The following DGKE variants were observed in gnomAD, a reference collection of about 807,000 sequenced individuals.
The protein encoded by DGKE is DAG kinase epsilon.
In DGKE, 53 loss-of-function variants were observed where a neutral mutation model predicts 70.0. The ratio of observed to expected loss-of-function variants is 0.76; its 90% CI spans 0.61 to 0.95. The LOEUF (loss-of-function observed/expected upper bound fraction) is 0.95. Ranked by LOEUF, DGKE falls within the 40% of genes least tolerant of loss-of-function variation. DGKE has a pLI of 0.00. For synonymous variants in DGKE, 291 were observed against 257.0 expected, an observed-to-expected ratio of 1.13 and a Z score of -1.27; for missense variants, 655 against 706.9, an observed-to-expected ratio of 0.93 and a Z score of 0.83.
At position 56,866,876 on chromosome 17, in the gene DGKE, A is replaced by G. The variant is rs1166254524; in HGVS notation, c.*4085A>G. On this transcript the variant is annotated 3_prime_UTR_variant, in exon 12 of 12. Transcript: ENST00000284061. ...CACTACTATAATGACTTTGTCACCT[A>G]ATTGATTTTCTACTAATTTTTACAT... is the stretch of plus-strand genomic sequence containing the variant. 2.0e-5 allele frequency: 3 copies of G among 152,214 alleles called. No homozygotes were observed. Among genetic ancestry groups the G allele is most frequent in the Admixed American group, 2.0e-4 (3 of 15,272 alleles). The allele number at this position is 152,214 out of a possible 1,614,324, so 9.4% of individuals were successfully genotyped here.
chr17:56,848,636 ATAT>A (rs1252661502), intron 5 of DGKE, 57 bp from the exon 6 acceptor site: 8 of 1,563,118 alleles, frequency 5.1e-6, no homozygotes, highest in East Asian at 4.5e-5. Flanking sequence ...ATTTTACAAA[ATAT>A]TATTACCCAG....
Position 56,850,681 on chromosome 17 carries a change from G to C in DGKE, c.1098+1449G>C, listed in dbSNP as rs542720584. Among the ~76,000 whole-genome samples the C allele has an allele frequency of 2.6e-5, 4 of 152,268 alleles. No homozygotes were observed. The South Asian group carries it at 8.3e-4, about 32-fold the overall frequency. ...CTAAAATGTGCCTCTAAAAGATCTT[G>C]TATAGGTCTTTGAGAAGGCACAAAA... On this transcript the variant is annotated intron_variant, in intron 7 of 11. Coordinates refer to ENST00000284061, the MANE Select transcript of DGKE (RefSeq NM_003647.3).
chr17:56,847,858 A>G (rs969832043), intron 4 of DGKE, 64 bp from the exon 5 acceptor site: 1 of 1,245,586 alleles, frequency 8.0e-7, no homozygotes, highest in Non-Finnish European at 1.1e-6. Flanking sequence ...CTAGAGGGAA[A>G]TCATCATTAC....
intron 1 of DGKE, 115 bp from the exon 2 acceptor site, chr17:56,834,663 C>G (rs1173182010): frequency 1.0e-6 from 1 of 982,108 alleles, no homozygotes; most frequent in Non-Finnish European, 1.5e-6. Context: ...GTCCCGCCCT[C>G]GGGAGAGCGG....
At chr17:56,862,516 C>T in intron 11 of DGKE, 96 bp from the exon 12 acceptor site, 2 of 1,132,014 alleles carry the variant, frequency 1.8e-6, no homozygotes, top group Non-Finnish European at 2.4e-6. Context: ...AAATGAAATG[C>T]ATAAGGGTTA....
intron 8 of DGKE, among the ~76,000 whole-genome samples, chr17:56,858,244 A>G (rs1908072119): frequency 6.6e-6 from 1 of 152,224 alleles, no homozygotes; most frequent in South Asian, 2.1e-4. Context: ...TAAACTATTA[A>G]TAGCCTAAGA....
At position 56,844,145 on chromosome 17, in the gene DGKE, G is replaced by T; in HGVS notation, c.591G>T (p.Gln197His). 1 of 1,549,278 alleles carries T rather than the reference G, an allele frequency of 6.5e-7. No homozygotes were observed. Among genetic ancestry groups the T allele is most frequent in the Non-Finnish European group, 8.7e-7 (1 of 1,152,594 alleles). ...CAAGTTATTTAACATCCATTAATCA[G>T]ATGCGTAAAGACAAAAAAACAGATT... ...IPPSYLTSIN[Q>H]MRKDKKTDYE... is the part of the protein sequence containing the mutation. The change falls in exon 3 of 12, where the codon CAG becomes CAT. Residue 197 changes from glutamine (Q) to histidine (H), a missense_variant. By Grantham distance (24) the Gln-to-His change is conservative. Transcript: ENST00000284061.
At chr17:56,846,910 A>G (rs1485899831) in intron 4 of DGKE, among the ~76,000 whole-genome samples, 1 of 152,270 alleles carries the variant, frequency 6.6e-6, no homozygotes, top group East Asian at 1.9e-4. Flanking sequence ...GATTTTTTTA[A>G]TTTTAATGGT....
intron 9 of DGKE, among the ~76,000 whole-genome samples, chr17:56,861,486 A>G: frequency 6.6e-6 from 1 of 152,210 alleles, no homozygotes; most frequent in East Asian, 1.9e-4. Context: ...AAAGGGAAAG[A>G]AGATTTTAGG....
chr17:56,855,500 A>G (rs763654450), intron 7 of DGKE, among the ~76,000 whole-genome samples: 2 of 152,236 alleles, frequency 1.3e-5, no homozygotes, highest in Non-Finnish European at 2.9e-5. Context: ...AGAGCTGGTT[A>G]TCAGGGACTT....
chr17:56,839,196 G>A (rs1906813184), intron 2 of DGKE, among the ~76,000 whole-genome samples: 1 of 152,110 alleles, frequency 6.6e-6, no homozygotes, highest in Admixed American at 6.6e-5. Flanking sequence ...GAATTTATAT[G>A]GAAAGAGAAT....
In DGKE at chr17:56,848,697, G is replaced by A; in HGVS notation, c.890G>A (p.Gly297Glu). ...LDAVDDMKIK[G>E]QEKYIPQVAV... is the part of the protein sequence containing the mutation. ...TAAAACATATCTTCCATATTCTAGGGACAAGAAAAGTACATTCCACAAGTT... is the reference window on the plus strand; with the variant it reads ...TAAAACATATCTTCCATATTCTAGGAACAAGAAAAGTACATTCCACAAGTT... The change falls in exon 6 of 12, where the codon GGA becomes GAA. Residue 297 changes from glycine to glutamate, a missense_variant and splice_region_variant. By Grantham distance (98) the Gly-to-Glu change is moderately conservative (BLOSUM62 -2). Coordinates refer to ENST00000284061, the MANE Select transcript of DGKE (RefSeq NM_003647.3). The A allele has an allele frequency of 6.2e-7, 1 of 1,613,632 alleles. No homozygotes were observed. Among genetic ancestry groups the A allele is most frequent in the Non-Finnish European group, 8.5e-7 (1 of 1,179,744 alleles).
rs931296222 is a variant in DGKE at position 56,868,940 on chromosome 17, G to T, written c.*6149G>T. The T allele has an allele frequency of 1.3e-5, 2 of 152,180 alleles. No homozygotes were observed. The highest frequency in any genetic ancestry group is 2.9e-5 in the Non-Finnish European group (2 of 68,040). 9.4% of individuals were successfully genotyped at this position (152,180 alleles called of 1,614,324 possible). A position where few individuals can be genotyped will look rare whatever the true frequency, so the allele number is the denominator to read the frequency against. On this transcript the variant is annotated 3_prime_UTR_variant, in exon 12 of 12. Transcript: ENST00000284061. ...CCTGGCAGAGTAGAGCAGTAAGTGG[G>T]ATCAAAGGTGAATTCACCTTATTTT...
At position 56,834,169 on chromosome 17, in the gene DGKE, G is replaced by C. The variant is rs1394466207; in HGVS notation, c.-110G>C. On this transcript the variant is annotated 5_prime_UTR_variant, in exon 1 of 12. Coordinates refer to ENST00000284061, the MANE Select transcript of DGKE (RefSeq NM_003647.3). ...GAGCCTTAAGCGTTTCCCCCGCCCG[G>C]CTTCATCCCTGCTGGCGGCCCAGCG... The C allele has an allele frequency of 6.6e-6, 1 of 152,404 alleles. No homozygotes were observed. The highest frequency in any genetic ancestry group is 1.5e-5 in the Non-Finnish European group (1 of 68,212). 9.4% of individuals were successfully genotyped at this position (152,404 alleles called of 1,614,324 possible).
chr17:56,841,887 C>T (rs918358733), intron 2 of DGKE, among the ~76,000 whole-genome samples: 2 of 152,016 alleles, frequency 1.3e-5, no homozygotes, highest in Admixed American at 6.6e-5. Flanking sequence ...GCACCCTTTC[C>T]CGGGTTCAAG....
rs8067569 is a variant in DGKE, at chr17:56,856,955, G to A, written c.1212+330G>A. Among the ~76,000 whole-genome samples the A allele has an allele frequency of 0.71, 107,884 of 151,748 alleles. 38,726 individuals carry two copies. Among genetic ancestry groups the A allele is most frequent in the East Asian group, 0.91 (4,701 of 5,164 alleles). On this transcript the variant is annotated intron_variant, in intron 8 of 11. Coordinates refer to ENST00000284061, the MANE Select transcript of DGKE (RefSeq NM_003647.3). ...CTCTACTAAAAATACAAATTTAGCC[G>A]GGCATGGTGGCAGGTGTCTGTAATC...
chr17:56,862,132 A>T lies in DGKE; in HGVS notation c.1413-8A>T. On this transcript the variant is annotated splice_region_variant and splice_polypyrimidine_tract_variant and intron_variant, in intron 10 of 11. Coordinates refer to ENST00000284061, the MANE Select transcript of DGKE (RefSeq NM_003647.3). The stretch of plus-strand genomic sequence containing the variant: ...CATATAATCCATATTTTCTTTTTCC[A>T]ATTTTAGGCATGACGATGGTCTGCT... 6.2e-7 allele frequency: 1 copy of T among 1,613,542 alleles called. No individual in the cohort carries two copies. Among genetic ancestry groups the T allele is most frequent in the Non-Finnish European group, 8.5e-7 (1 of 1,179,718 alleles).
intron 3 of DGKE, among the ~76,000 whole-genome samples, chr17:56,845,203 A>AT (rs1907210343): frequency 1.3e-5 from 2 of 152,162 alleles, no homozygotes. Flanking sequence ...AGAAGTCCAG[A>AT]TTTTTTAATC....
chr17:56,851,078 G>C (rs973255947), intron 7 of DGKE, among the ~76,000 whole-genome samples: 1 of 152,092 alleles, frequency 6.6e-6, no homozygotes, highest in African/African-American at 2.4e-5. Context: ...ATTTTTAAAA[G>C]ATACTCTGGA....
Sources: gnomAD v4.1 joint callset for allele counts (sites outside exome capture counted in the v4.1 genomes callset) on GRCh38, gnomAD v4.1.1 for gene constraint, MANE v1.5 for transcripts, NCBI Gene and HGNC (gene_info 2026-07-23, HGNC 2026-07-21) for gene names.